Variants in GRM1 observed in about 807,000 individuals in gnomAD.
GRM1 encodes glutamate metabotropic receptor 1.
GRM1 carries 33 observed loss-of-function variants against 90.9 expected under a neutral mutation model. That is an observed-to-expected ratio of 0.36 (90% CI 0.28 to 0.49). The LOEUF is 0.49. Among genes scored for constraint, GRM1 ranks in the 20% least tolerant of loss-of-function variants. GRM1 has a pLI of 0.99. For missense variants in GRM1, 1,190 were observed against 1,534.3 expected (o/e 0.78, Z 3.75); for synonymous variants, 700 against 613.2 (o/e 1.14, Z -2.09).
intron 5 of GRM1, among the ~76,000 whole-genome samples, chr6:146,372,292 C>T (rs761656364): frequency 3.3e-5 from 5 of 151,940 alleles, no homozygotes; most frequent in East Asian, 1.9e-4. Context: ...ATCTTTTGTC[C>T]GTAGTTTGAT....
At chr6:146,141,574 TTTTA>T (rs1484759332) in intron 1 of GRM1, among the ~76,000 whole-genome samples, 2 of 152,338 alleles carry the variant, frequency 1.3e-5, no homozygotes, top group African/African-American at 4.8e-5. Flanking sequence ...CTTCATTGTT[TTTTA>T]TTTGTTTGTC....
At chr6:146,194,853 G>A (rs1779060891) in intron 2 of GRM1, among the ~76,000 whole-genome samples, 1 of 152,196 alleles carries the variant, frequency 6.6e-6, no homozygotes, top group Non-Finnish European at 1.5e-5. Flanking sequence ...TGGGTGTAAA[G>A]AACTCGGATC....
rs1212901739 is a variant in GRM1 at position 146,399,707 on chromosome 6, A to G, written c.2660+8A>G. 1 of 1,577,808 alleles carries G rather than the reference A, an allele frequency of 6.3e-7. No individual in the cohort carries two copies. The highest frequency in any genetic ancestry group is 1.3e-5 in the African/African-American group (1 of 74,440). Reference sequence around the variant, plus strand: ...AGGGGCAGGGAATGCCAAGTGAGTTATCTGACCTGTTTGTCTCTCTTTTCT... The same window carrying G: ...AGGGGCAGGGAATGCCAAGTGAGTTGTCTGACCTGTTTGTCTCTCTTTTCT... On this transcript the variant is annotated splice_region_variant and intron_variant, in intron 7 of 7. Coordinates refer to ENST00000282753, the MANE Select transcript of GRM1 (RefSeq NM_001278064.2). This position sits in a 1 kb window ranked among gnomAD's most constrained non-coding sequence, Gnocchi z 5.4.
intron 1 of GRM1, among the ~76,000 whole-genome samples, chr6:146,082,225 G>A (rs576812957): frequency 1.7e-4 from 26 of 152,160 alleles, no homozygotes; most frequent in Admixed American, 5.2e-4. Flanking sequence ...GTGCAACCTC[G>A]GCTCACTGCA....
intron 3 of GRM1, among the ~76,000 whole-genome samples, chr6:146,306,919 A>C (rs1783598414): frequency 6.6e-6 from 1 of 152,216 alleles, no homozygotes; most frequent in Non-Finnish European, 1.5e-5. Context: ...CAAGAGGCTG[A>C]TTTTGGATAA....
chr6:146,224,853 GTCT>G (rs1041774792), intron 2 of GRM1, among the ~76,000 whole-genome samples: 2 of 152,026 alleles, frequency 1.3e-5, no homozygotes, highest in Admixed American at 1.3e-4. Context: ...AACATAAAAG[GTCT>G]TCTTTGACAG....
intron 7 of GRM1, chr6:146,426,428 G>A: frequency 1.3e-6 from 1 of 760,392 alleles, no homozygotes; most frequent in Non-Finnish European, 2.3e-6. Context: ...AAGGACCATA[G>A]AGCAAACGGA....
chr6:146,267,185 G>A (rs1384431609), intron 2 of GRM1, among the ~76,000 whole-genome samples: 1 of 152,112 alleles, frequency 6.6e-6, no homozygotes, highest in Non-Finnish European at 1.5e-5. Context: ...AATGGCTTCC[G>A]GCTCCAGCCA....
intron 1 of GRM1, among the ~76,000 whole-genome samples, chr6:146,134,795 G>A (rs1776551885): frequency 6.6e-6 from 1 of 152,164 alleles, no homozygotes; most frequent in Non-Finnish European, 1.5e-5. Context: ...GCTGGGTGTG[G>A]TGGCAGGCGC....
chr6:146,261,140 C>T (rs559916295), intron 2 of GRM1, among the ~76,000 whole-genome samples: 16 of 152,064 alleles, frequency 1.1e-4, no homozygotes, highest in African/African-American at 2.2e-4. Context: ...CAAGGATTAA[C>T]GAGCAAGCTA....
At chr6:146,130,487 G>C (rs777505375) in intron 1 of GRM1, among the ~76,000 whole-genome samples, 22 of 152,008 alleles carry the variant, frequency 1.4e-4, no homozygotes, top group South Asian at 1.0e-3. Flanking sequence ...AAGTTTTAAT[G>C]TTTTTATTTA....
intron 1 of GRM1, among the ~76,000 whole-genome samples, chr6:146,050,270 T>G (rs1791478319): frequency 1.3e-5 from 2 of 152,024 alleles, no homozygotes; most frequent in African/African-American, 4.8e-5. Context: ...TGGGTCTTCC[T>G]TTTCTGTTTT....
intron 1 of GRM1, among the ~76,000 whole-genome samples, chr6:146,145,347 G>T (rs1777054324): frequency 6.6e-6 from 1 of 152,114 alleles, no homozygotes; most frequent in African/African-American, 2.4e-5. Flanking sequence ...ATATCTTTTA[G>T]GCTGTCCCCC....
intron 1 of GRM1, among the ~76,000 whole-genome samples, chr6:146,122,821 C>CTTTCT (rs1230504587): frequency 9.4e-6 from 1 of 106,564 alleles, no homozygotes; most frequent in Non-Finnish European, 2.1e-5. Flanking sequence ...TTTTCTTTTT[C>CTTTCT]TTTCTTTTCT....
At chr6:146,215,985 C>T (rs2114661306) in intron 2 of GRM1, among the ~76,000 whole-genome samples, 1 of 152,258 alleles carries the variant, frequency 6.6e-6, no homozygotes, top group South Asian at 2.1e-4. Flanking sequence ...TCTCGATCAC[C>T]TGAACTTATG....
intron 1 of GRM1, among the ~76,000 whole-genome samples, chr6:146,139,101 A>G (rs936123909): frequency 2.6e-5 from 4 of 152,036 alleles, no homozygotes; most frequent in Non-Finnish European, 5.9e-5. Flanking sequence ...ATTCAGGAGC[A>G]TACTGTTTAG....
intron 2 of GRM1, among the ~76,000 whole-genome samples, chr6:146,265,739 C>T (rs1004354983): frequency 6.6e-6 from 1 of 152,158 alleles, no homozygotes; most frequent in South Asian, 2.1e-4. Flanking sequence ...ATTCATTCTC[C>T]TTATGGCTAG....
chr6:146,364,849 A>G (rs1169497161), intron 5 of GRM1: 1 of 151,518 alleles, frequency 6.6e-6, no homozygotes, highest in Non-Finnish European at 1.5e-5. Context: ...CTCAGCTTAC[A>G]TCTTCTAATA....
intron 1 of GRM1, among the ~76,000 whole-genome samples, chr6:146,075,584 A>G (rs528180271): frequency 6.6e-6 from 1 of 152,328 alleles, no homozygotes; most frequent in South Asian, 2.1e-4. Context: ...AAGTGAGTGT[A>G]TTAGTTTCCT....
Sources: allele counts gnomAD v4.1 joint callset (sites outside exome capture counted in the v4.1 genomes callset), GRCh38; gene constraint gnomAD v4.1.1; non-coding constraint Gnocchi (gnomAD v3.1); transcripts MANE v1.5; gene names NCBI Gene and HGNC (gene_info 2026-07-23, HGNC 2026-07-21).